TSEN15: variants seen among roughly 807,000 people sequenced by gnomAD.
TSEN15 encodes tRNA splicing endonuclease subunit 15.
TSEN15 carries 10 observed loss-of-function variants against 20.5 expected under a neutral mutation model. The observed-to-expected ratio is 0.49, with a 90% CI of 0.30 to 0.83. The LOEUF (loss-of-function observed/expected upper bound fraction) is 0.83. TSEN15 is among the 40% of genes least tolerant of loss of function. TSEN15 has a pLI of 0.06. For missense variants in TSEN15, 180 were observed against 218.6 expected (o/e 0.82, Z 1.11); for synonymous variants, 72 against 80.1 (o/e 0.90, Z 0.54).
intron 3 of TSEN15, among the ~76,000 whole-genome samples, chr1:184,070,400 T>A (rs1234797077): frequency 6.6e-6 from 1 of 152,068 alleles, no homozygotes; most frequent in Non-Finnish European, 1.5e-5. Flanking sequence ...ATTTATCTTG[T>A]GGCATTGAAG....
At position 184,058,537 on chromosome 1, in the gene TSEN15, A is replaced by G. The variant is rs192058912; in HGVS notation, c.353+3674A>G. Among the ~76,000 whole-genome samples the G allele has an allele frequency of 1.2e-4, 18 of 152,162 alleles. No individual in the cohort carries two copies. In the East Asian group the frequency reaches 3.1e-3, roughly 26 times the overall value. ...TCTTTTAGGTAGTAGGCATACTTTT[A>G]TCTATTTTTACTTTTAGTGTATTTT... is the stretch of plus-strand genomic sequence containing the variant. On this transcript the variant is annotated intron_variant, in intron 3 of 4. Transcript: ENST00000645668.
At chr1:184,078,961 G>T (rs1286761051), downstream of TSEN15, among the ~76,000 whole-genome samples, 1 of 152,024 alleles carries the variant, frequency 6.6e-6, no homozygotes, top group Admixed American at 6.6e-5. Flanking sequence ...CAGCACAGTG[G>T]TTCCTGCCAA....
intron 3 of TSEN15, among the ~76,000 whole-genome samples, chr1:184,082,123 C>T (rs967504643): frequency 6.6e-6 from 1 of 152,094 alleles, no homozygotes; most frequent in African/African-American, 2.4e-5. Context: ...GGATAGTGAA[C>T]ATGGAGTGTT....
chr1:184,070,533 T>C, intron 3 of TSEN15: 1 of 533,872 alleles, frequency 1.9e-6, no homozygotes. Flanking sequence ...TGTCTGTTTC[T>C]TCTTTGCCAT....
exon 4 of TSEN15, chr1:184,096,337 T>TA (rs1651448618): frequency 6.6e-6 from 1 of 152,274 alleles, no homozygotes; most frequent in African/African-American, 2.4e-5. Context: ...GGGGCACTAA[T>TA]AAAATCAGAT....
rs1467586609 is a variant in TSEN15, at chr1:184,054,673, T to G, written c.218-55T>G. The stretch of plus-strand genomic sequence containing the variant: ...CTGAGTATTAGGTAGAAGTTTGGAG[T>G]TTTTATTTTTTGTATTTAATAAACA... On this transcript the variant is annotated intron_variant, in intron 2 of 4. Coordinates refer to ENST00000645668, the MANE Select transcript of TSEN15 (RefSeq NM_052965.4). The G allele has an allele frequency of 5.7e-6, 9 of 1,571,010 alleles. No homozygotes were observed. In the East Asian group the frequency reaches 6.8e-5, roughly 12 times the overall value.
intron 3 of TSEN15, among the ~76,000 whole-genome samples, chr1:184,084,321 T>C (rs1266970813): frequency 6.6e-6 from 1 of 151,980 alleles, no homozygotes; most frequent in Non-Finnish European, 1.5e-5. Flanking sequence ...AGGACCTAGA[T>C]GTTTAGCAGG....
At chr1:184,083,520 C>G (rs977973792) in intron 3 of TSEN15, among the ~76,000 whole-genome samples, 1 of 152,148 alleles carries the variant, frequency 6.6e-6, no homozygotes, top group Non-Finnish European at 1.5e-5. Context: ...TTTGGAAACT[C>G]TACTTAGAAA....
intron 3 of TSEN15, among the ~76,000 whole-genome samples, chr1:184,063,698 A>G (rs1650546285): frequency 1.3e-5 from 2 of 152,166 alleles, no homozygotes; most frequent in South Asian, 4.1e-4. Flanking sequence ...AAAGGACATG[A>G]TTAAAGAACA....
intron 3 of TSEN15, chr1:184,071,926 T>G: frequency 2.4e-6 from 1 of 422,986 alleles, no homozygotes; most frequent in Non-Finnish European, 4.1e-6. Context: ...TGTCAACTAT[T>G]TCTATACCAT....
intron 3 of TSEN15, among the ~76,000 whole-genome samples, chr1:184,083,322 A>G (rs1651203411): frequency 6.6e-6 from 1 of 152,234 alleles, no homozygotes. Context: ...TGCTTATGCT[A>G]CAAGATCCCT....
intron 3 of TSEN15, 58 bp from the exon 4 acceptor site, chr1:184,072,099 C>T (rs905095539): frequency 1.3e-6 from 2 of 1,538,844 alleles, no homozygotes; most frequent in East Asian, 4.7e-5. Flanking sequence ...TTTCTTCTGT[C>T]ACATCTCATC....
rs979281620 is a variant in TSEN15, at chr1:184,054,409, T to G, written c.191T>G (p.Phe64Cys). ...GATGCCACCCAAGTTTATGTAGCGT[T>G]CTTGGTTTACCTGGACCTCATGGAA... ...IGDATQVYVA[F>C]LVYLDLMESK... The change falls in exon 2 of 5, where the codon TTC (phenylalanine) becomes TGC (cysteine). Residue 64 changes from phenylalanine (F) to cysteine (C), a missense_variant. Transcript: ENST00000645668. 6.2e-7 allele frequency: 1 copy of G among 1,610,474 alleles called. No individual in the cohort carries two copies. The highest frequency in any genetic ancestry group is 1.3e-5 in the African/African-American group (1 of 74,908).
chr1:184,064,066 C>T (rs1300807398), intron 3 of TSEN15, among the ~76,000 whole-genome samples: 1 of 151,674 alleles, frequency 6.6e-6, no homozygotes, highest in African/African-American at 2.4e-5. Flanking sequence ...TCATCGGGTG[C>T]AAAATATTAT....
intron 3 of TSEN15, among the ~76,000 whole-genome samples, chr1:184,065,923 A>G (rs1057203609): frequency 1.3e-5 from 2 of 152,196 alleles, no homozygotes; most frequent in African/African-American, 4.8e-5. Flanking sequence ...GTGTTTTACA[A>G]ATATTTTCTC....
chr1:184,064,057 C>T (rs890068268), intron 3 of TSEN15, among the ~76,000 whole-genome samples: 1 of 151,866 alleles, frequency 6.6e-6, no homozygotes, highest in African/African-American at 2.4e-5. Flanking sequence ...TGCCTGGGCT[C>T]ATCGGGTGCA....
intron 3 of TSEN15, among the ~76,000 whole-genome samples, chr1:184,057,316 G>T (rs1481451907): frequency 6.6e-6 from 1 of 152,122 alleles, no homozygotes; most frequent in Non-Finnish European, 1.5e-5. Flanking sequence ...CTCTGAGAGT[G>T]GGGTATGGGA....
downstream of TSEN15, among the ~76,000 whole-genome samples, chr1:184,078,167 G>T (rs1651100133): frequency 6.6e-6 from 1 of 152,088 alleles, no homozygotes; most frequent in Non-Finnish European, 1.5e-5. Flanking sequence ...TGATCAGTTA[G>T]CACCCATTAA....
chr1:184,064,775 C>T (rs1171690222), intron 3 of TSEN15, among the ~76,000 whole-genome samples: 1 of 152,138 alleles, frequency 6.6e-6, no homozygotes. Flanking sequence ...TTACAATGTG[C>T]AAATCTGTAA....
Sources: gnomAD v4.1 joint callset for allele counts (sites outside exome capture counted in the v4.1 genomes callset) on GRCh38, gnomAD v4.1.1 for gene constraint, MANE v1.5 for transcripts, NCBI Gene and HGNC (gene_info 2026-07-23, HGNC 2026-07-21) for gene names.